BRINP3: variants seen among roughly 807,000 people sequenced by gnomAD.
The protein encoded by BRINP3 is BMP/retinoic acid-inducible neural-specific protein 3.
In BRINP3, 19 loss-of-function variants were observed where a neutral mutation model predicts 71.0. That is an observed-to-expected ratio of 0.27 (90% CI 0.19 to 0.39). The LOEUF is 0.39. Among genes scored for constraint, BRINP3 ranks in the 10% least tolerant of loss-of-function variants. The pLI is 1.00. For synonymous variants in BRINP3, 380 were observed against 337.7 expected (o/e 1.13, Z -1.37); for missense variants, 959 against 940.8 (o/e 1.02, Z -0.25).
At chr1:190,184,779 A>G (rs190184190) in intron 6 of BRINP3, among the ~76,000 whole-genome samples, 81 of 152,274 alleles carry the variant, frequency 5.3e-4, no homozygotes, top group African/African-American at 1.9e-3. Flanking sequence ...AAAACTACCT[A>G]TCATATACTA....
At chr1:190,194,846 G>T (rs569242593) in intron 6 of BRINP3, among the ~76,000 whole-genome samples, 2 of 152,098 alleles carry the variant, frequency 1.3e-5, no homozygotes, top group African/African-American at 4.8e-5. Flanking sequence ...AACGTCTGAA[G>T]GCCATGAGAT....
At chr1:190,414,009 C>A (rs1011457816) in intron 2 of BRINP3, among the ~76,000 whole-genome samples, 1 of 152,016 alleles carries the variant, frequency 6.6e-6, no homozygotes, top group Non-Finnish European at 1.5e-5. Flanking sequence ...GCTGCCCAGG[C>A]TGGAGTGCAG....
At chr1:190,263,572 A>C (rs1283450548) in intron 4 of BRINP3, among the ~76,000 whole-genome samples, 1 of 150,790 alleles carries the variant, frequency 6.6e-6, no homozygotes, top group East Asian at 2.0e-4. Context: ...TTTAAGTTGA[A>C]AGTTGAAGTA....
intron 7 of BRINP3, among the ~76,000 whole-genome samples, chr1:190,129,972 T>C (rs1654399330): frequency 6.6e-6 from 1 of 151,982 alleles, no homozygotes; most frequent in African/African-American, 2.4e-5. Context: ...AATACATATC[T>C]CTACGTAGTT....
chr1:190,253,260 C>T (rs925158367), intron 4 of BRINP3, among the ~76,000 whole-genome samples: 3 of 152,086 alleles, frequency 2.0e-5, no homozygotes, highest in Non-Finnish European at 4.4e-5. Flanking sequence ...CTTATATTAG[C>T]ATGATTTAAA....
chr1:190,407,716 G>C (rs1672375374), intron 2 of BRINP3, among the ~76,000 whole-genome samples: 1 of 151,890 alleles, frequency 6.6e-6, no homozygotes, highest in Non-Finnish European at 1.5e-5. Context: ...TATGCCTTTG[G>C]TTTTCATTTA....
chr1:190,417,795 T>G (rs893167813), intron 2 of BRINP3, among the ~76,000 whole-genome samples: 1 of 152,192 alleles, frequency 6.6e-6, no homozygotes, highest in Non-Finnish European at 1.5e-5. Context: ...ATATATTTGC[T>G]GATATGAAGA....
At chr1:190,245,950 T>G (rs1659564524) in intron 4 of BRINP3, among the ~76,000 whole-genome samples, 2 of 151,982 alleles carry the variant, frequency 1.3e-5, no homozygotes, top group Admixed American at 1.3e-4. Context: ...TTTTTATGGC[T>G]GCATAGTATT....
chr1:190,099,590 T>C (rs908090778), intron 7 of BRINP3, among the ~76,000 whole-genome samples: 1 of 152,178 alleles, frequency 6.6e-6, no homozygotes, highest in Non-Finnish European at 1.5e-5. Flanking sequence ...TCATTTACTC[T>C]TAGCTTTATA....
chr1:190,172,159 C>T (rs1652070779), intron 6 of BRINP3, among the ~76,000 whole-genome samples: 1 of 145,722 alleles, frequency 6.9e-6, no homozygotes, highest in African/African-American at 2.6e-5. Context: ...GTGGAACTGC[C>T]TACTAGATGA....
At chr1:190,430,897 T>A (rs1266885208) in intron 2 of BRINP3, among the ~76,000 whole-genome samples, 1 of 152,078 alleles carries the variant, frequency 6.6e-6, no homozygotes. Context: ...GAAATCAAAT[T>A]AATGGTGCTG....
At chr1:190,099,659 G>T (rs999285205) in intron 7 of BRINP3, among the ~76,000 whole-genome samples, 1 of 152,148 alleles carries the variant, frequency 6.6e-6, no homozygotes, top group African/African-American at 2.4e-5. Flanking sequence ...AAGAAAAACA[G>T]CTCTAAATTG....
intron 6 of BRINP3, chr1:190,217,045 G>A (rs1481117563): frequency 6.6e-6 from 1 of 151,866 alleles, no homozygotes; most frequent in East Asian, 1.9e-4. Flanking sequence ...TATTGTCTAT[G>A]TAGAGTATAA....
At chr1:190,205,520 C>A (rs1655420898) in intron 6 of BRINP3, among the ~76,000 whole-genome samples, 1 of 152,020 alleles carries the variant, frequency 6.6e-6, no homozygotes, top group African/African-American at 2.4e-5. Flanking sequence ...GCAAAAGGTG[C>A]ATTAATTGAG....
intron 2 of BRINP3, among the ~76,000 whole-genome samples, chr1:190,365,256 T>C (rs772368245): frequency 2.0e-5 from 3 of 151,996 alleles, no homozygotes; most frequent in African/African-American, 4.8e-5. Context: ...ATGACCACTG[T>C]GAATGAAGTT....
chr1:190,447,810 T>C (rs752441600), intron 2 of BRINP3, among the ~76,000 whole-genome samples: 5 of 151,658 alleles, frequency 3.3e-5, no homozygotes, highest in Non-Finnish European at 7.4e-5. Flanking sequence ...TGGTATATCA[T>C]AATTTAAGTG....
chr1:190,473,015 T>C (rs1264322101), intron 1 of BRINP3, among the ~76,000 whole-genome samples: 1 of 151,884 alleles, frequency 6.6e-6, no homozygotes, highest in African/African-American at 2.4e-5. Context: ...CGTAATATTA[T>C]CTGATTAAAA....
intron 6 of BRINP3, among the ~76,000 whole-genome samples, chr1:190,164,691 C>T (rs79377169): frequency 0.012 from 1,877 of 152,010 alleles, 25 homozygotes; most frequent in Middle Eastern, 0.034. Context: ...CTTGGGCTCA[C>T]GCAATTCTCC....
At chr1:190,257,782 C>T (rs1057160745) in intron 4 of BRINP3, among the ~76,000 whole-genome samples, 3 of 152,142 alleles carry the variant, frequency 2.0e-5, no homozygotes, top group Non-Finnish European at 4.4e-5. Context: ...CACTCCAGAC[C>T]CTGTTTGCCT....
Sources: allele counts gnomAD v4.1 joint callset (sites outside exome capture counted in the v4.1 genomes callset), GRCh38; gene constraint gnomAD v4.1.1; transcripts MANE v1.5; gene names NCBI Gene and HGNC (gene_info 2026-07-23, HGNC 2026-07-21).